ADAMTS3: variants seen among roughly 807,000 people sequenced by gnomAD.
The protein encoded by ADAMTS3 is ADAM metallopeptidase with thrombospondin type 1 motif 3.
ADAMTS3 carries 73 observed loss-of-function variants against 129.0 expected under a neutral mutation model. The ratio of observed to expected loss-of-function variants is 0.57; its 90% CI spans 0.47 to 0.69. ADAMTS3 has a LOEUF of 0.69. Ranked by LOEUF, ADAMTS3 falls within the 30% of genes least tolerant of loss-of-function variation. ADAMTS3 has a pLI of 0.00. For synonymous variants in ADAMTS3, 477 were observed against 510.8 expected (o/e 0.93, Z 0.89); for missense variants, 1,457 against 1,514.5 (o/e 0.96, Z 0.63).
chr4:72,513,913 T>C (rs1472704078), intron 3 of ADAMTS3, among the ~76,000 whole-genome samples: 1 of 152,154 alleles, frequency 6.6e-6, no homozygotes, highest in Admixed American at 6.5e-5. Context: ...TAGCTCCTAT[T>C]TATAAGCGAG....
Position 72,320,742 on chromosome 4 carries a change from C to T in ADAMTS3, c.1074G>A (p.Arg358=). 1 of 1,613,772 alleles carries T rather than the reference C, an allele frequency of 6.2e-7. No homozygotes were observed. Among genetic ancestry groups the T allele is most frequent in the Non-Finnish European group, 8.5e-7 (1 of 1,179,832 alleles). Residue 358 remains arginine (R), a synonymous_variant, in exon 7 of 22, where the codon AGG becomes AGA. Transcript: ENST00000286657. ...EHHDHAIFLT[R]QDFGPAGMQG... ...GCATTCCAGCAGGTCCAAAGTCTTG[C>T]CTGGTTAAAAAAATTGCATGGTCAT...
rs774230269 is a variant in ADAMTS3 at position 72,339,497 on chromosome 4, G to A, written c.858C>T (p.Asn286=). 1 of 1,613,608 alleles carries A rather than the reference G, an allele frequency of 6.2e-7. No individual in the cohort carries two copies. Among genetic ancestry groups the A allele is most frequent in the African/African-American group, 1.3e-5 (1 of 74,892 alleles). ...TTAAAAAGGAGTCACTACTCACAAT[G>A]TTCATTAGGGTCAGGAGGTAGTTTT... ...HVQNYLLTLM[N]IVNEIYHDES... The change falls in exon 5 of 22, where the codon AAC becomes AAT. Residue 286 remains asparagine, a synonymous_variant. Coordinates refer to ENST00000286657, the MANE Select transcript of ADAMTS3 (RefSeq NM_014243.3).
intron 5 of ADAMTS3, among the ~76,000 whole-genome samples, chr4:72,336,353 A>G (rs1348750456): frequency 6.6e-6 from 1 of 152,218 alleles, no homozygotes; most frequent in Non-Finnish European, 1.5e-5. Flanking sequence ...ATTTTAGATG[A>G]CCATGAGAAA....
At chr4:72,529,039 G>A (rs987257282) in intron 3 of ADAMTS3, among the ~76,000 whole-genome samples, 9 of 152,074 alleles carry the variant, frequency 5.9e-5, no homozygotes, top group Admixed American at 1.3e-4. Flanking sequence ...GAATGGTCAG[G>A]AAAATCCTTT....
At chr4:72,475,508 T>C (rs1000650143) in intron 3 of ADAMTS3, among the ~76,000 whole-genome samples, 1 of 151,758 alleles carries the variant, frequency 6.6e-6, no homozygotes, top group Non-Finnish European at 1.5e-5. Context: ...GCAAAACATA[T>C]GATACAAAAA....
intron 4 of ADAMTS3, among the ~76,000 whole-genome samples, chr4:72,394,092 C>T (rs1721667418): frequency 6.6e-6 from 1 of 152,162 alleles, no homozygotes. Flanking sequence ...ACTGACCCCA[C>T]TCTTAGAGGG....
At chr4:72,367,849 CAAA>C (rs35388186) in intron 4 of ADAMTS3, among the ~76,000 whole-genome samples, 69 of 125,604 alleles carry the variant, frequency 5.5e-4, no homozygotes, top group Admixed American at 4.8e-4. Flanking sequence ...GACTCTGTGT[CAAA>C]AAAAAAAAAA....
chr4:72,377,540 C>T (rs968931804), intron 4 of ADAMTS3, among the ~76,000 whole-genome samples: 1 of 152,178 alleles, frequency 6.6e-6, no homozygotes, highest in Non-Finnish European at 1.5e-5. Flanking sequence ...AGAGAAGACA[C>T]AGTAGTCCCA....
chr4:72,323,005 A>C lies in ADAMTS3; in HGVS notation c.945+9T>G. The stretch of plus-strand genomic sequence containing the variant: ...TAATGTTTATAATTCATGTTTTAAG[A>C]CATTTTACCTTTGCATATCCCAGCA... On this transcript the variant is annotated intron_variant, in intron 6 of 21. Coordinates refer to ENST00000286657, the MANE Select transcript of ADAMTS3 (RefSeq NM_014243.3). 6.2e-7 allele frequency: 1 copy of C among 1,606,244 alleles called. No homozygotes were observed. Among genetic ancestry groups the C allele is most frequent in the Non-Finnish European group, 8.5e-7 (1 of 1,173,508 alleles).
rs767288948 is a variant in ADAMTS3, at chr4:72,568,702, C to G, written c.61G>C (p.Asp21His). 6.2e-7 allele frequency: 1 copy of G among 1,613,522 alleles called. No homozygotes were observed. Among genetic ancestry groups the G allele is most frequent in the African/African-American group, 1.3e-5 (1 of 74,934 alleles). ...AALVEVRTSA[D>H]GQAGNEEMVQ... ...TATTATTTTCCACTTACTTGTCCAT[C>G]AGCTGAAGTCCTAACCTCTACCAGA... is the stretch of plus-strand genomic sequence containing the variant. Residue 21 changes from aspartate (D) to histidine (H), a missense_variant, in exon 1 of 22, where the codon GAT becomes CAT. By Grantham distance (81) the Asp-to-His change is moderately conservative (BLOSUM62 -1). Transcript: ENST00000286657.
At chr4:72,512,673 A>G (rs788933) in intron 3 of ADAMTS3, among the ~76,000 whole-genome samples, 90,511 of 151,940 alleles carry the variant, frequency 0.6, 27,315 homozygotes, top group African/African-American at 0.69. Context: ...TAATGTGCTT[A>G]TTTCACCTTG....
rs61020707 is a variant in ADAMTS3 at position 72,430,412 on chromosome 4, C to T, written c.505-15441G>A. 7.1e-3 allele frequency among the ~76,000 whole-genome samples: 1,076 copies of T among 152,070 alleles called. 21 individuals carry two copies. Among genetic ancestry groups the T allele is most frequent in the African/African-American group, 0.025 (1,024 of 41,520 alleles). On this transcript the variant is annotated intron_variant, in intron 3 of 21. Coordinates refer to ENST00000286657, the MANE Select transcript of ADAMTS3 (RefSeq NM_014243.3). ...TATGGAGAGGCTGTGTAGGTGCTCT[C>T]ATGACAGTCCAAGCCTTAGAATCAA...
intron 1 of ADAMTS3, among the ~76,000 whole-genome samples, chr4:72,567,648 A>T (rs1722051126): frequency 6.6e-6 from 1 of 152,216 alleles, no homozygotes; most frequent in Admixed American, 6.5e-5. Flanking sequence ...AGCCAGCAAA[A>T]ATACATACAG....
chr4:72,437,222 A>G (rs1717960904), intron 3 of ADAMTS3, among the ~76,000 whole-genome samples: 1 of 151,890 alleles, frequency 6.6e-6, no homozygotes, highest in African/African-American at 2.4e-5. Flanking sequence ...GTCTCTTGCA[A>G]CGGAAATGAA....
chr4:72,364,956 GT>G (rs1720832485), intron 4 of ADAMTS3, among the ~76,000 whole-genome samples: 2 of 152,108 alleles, frequency 1.3e-5, no homozygotes, highest in Admixed American at 1.3e-4. Context: ...TATATTATAA[GT>G]TTCTGTTTGT....
At chr4:72,418,291 C>CT (rs752738289) in intron 3 of ADAMTS3, among the ~76,000 whole-genome samples, 2 of 152,066 alleles carry the variant, frequency 1.3e-5, no homozygotes, top group Non-Finnish European at 2.9e-5. Flanking sequence ...TCCACATGAT[C>CT]TACATATTCA....
chr4:72,360,281 G>T (rs891701285), intron 4 of ADAMTS3, among the ~76,000 whole-genome samples: 1 of 152,010 alleles, frequency 6.6e-6, no homozygotes, highest in East Asian at 1.9e-4. Flanking sequence ...GTGTAGTCAT[G>T]ACGAAGCTTA....
At chr4:72,430,757 A>G (rs1722677621) in intron 3 of ADAMTS3, among the ~76,000 whole-genome samples, 1 of 151,904 alleles carries the variant, frequency 6.6e-6, no homozygotes. Context: ...GTTATTTTTA[A>G]TAGTTTAAAC....
chr4:72,308,971 TA>T (rs1719158285), intron 15 of ADAMTS3, among the ~76,000 whole-genome samples: 1 of 152,010 alleles, frequency 6.6e-6, no homozygotes, highest in African/African-American at 2.4e-5. Context: ...TTAAAATAAG[TA>T]AAACTAATGT....
Sources: allele counts gnomAD v4.1 joint callset (sites outside exome capture counted in the v4.1 genomes callset), GRCh38; gene constraint gnomAD v4.1.1; transcripts MANE v1.5; gene names NCBI Gene and HGNC (gene_info 2026-07-23, HGNC 2026-07-21).